The following STEAP1B variants were observed in gnomAD, a reference collection of about 807,000 sequenced individuals.
STEAP1B encodes the protein STEAP family member 1B.
A neutral mutation model predicts 27.9 loss-of-function variants in STEAP1B; 13 were observed. The ratio of observed to expected loss-of-function variants is 0.47; its 90% CI spans 0.30 to 0.74. STEAP1B has a LOEUF of 0.74. STEAP1B is among the 30% of genes least tolerant of loss of function. The pLI is 0.06. For synonymous variants in STEAP1B, 86 were observed against 107.1 expected, an observed-to-expected ratio of 0.80 and a Z score of 1.22; for missense variants, 250 against 298.7, an observed-to-expected ratio of 0.84 and a Z score of 1.20.
intron 4 of STEAP1B, among the ~76,000 whole-genome samples, chr7:22,455,143 G>A (rs1005892906): frequency 1.1e-4 from 17 of 152,184 alleles, no homozygotes; most frequent in East Asian, 7.7e-4. Context: ...GATTACAGGC[G>A]TGAGCCACCG....
At chr7:22,451,867 T>A (rs10260317) in intron 4 of STEAP1B, among the ~76,000 whole-genome samples, 35,973 of 152,210 alleles carry the variant, frequency 0.24, 5,581 homozygotes, top group Non-Finnish European at 0.33. Context: ...AATGTATCTT[T>A]GTCTGGTTTT....
chr7:22,496,873 G>A (rs1024910767), intron 1 of STEAP1B, among the ~76,000 whole-genome samples: 2 of 152,180 alleles, frequency 1.3e-5, no homozygotes, highest in African/African-American at 2.4e-5. Flanking sequence ...TATAACAAAG[G>A]ATAACGAGAT....
chr7:22,454,343 T>C (rs1785536355), intron 4 of STEAP1B, among the ~76,000 whole-genome samples: 1 of 152,146 alleles, frequency 6.6e-6, no homozygotes. Flanking sequence ...TGCATAGCCA[T>C]TGTTCGCCGA....
intron 4 of STEAP1B, among the ~76,000 whole-genome samples, chr7:22,476,377 A>C (rs988528647): frequency 6.6e-6 from 1 of 152,204 alleles, no homozygotes; most frequent in Non-Finnish European, 1.5e-5. Context: ...CAGTGGCAGC[A>C]GGCTGGACAA....
chr7:22,424,902 A>AC (rs1785087449), intron 4 of STEAP1B, among the ~76,000 whole-genome samples: 1 of 151,934 alleles, frequency 6.6e-6, no homozygotes, highest in South Asian at 2.1e-4. Context: ...AGTGAAAAAA[A>AC]AAAAATCACA....
At chr7:22,466,995 C>A (rs1785796723) in intron 4 of STEAP1B, among the ~76,000 whole-genome samples, 3 of 152,186 alleles carry the variant, frequency 2.0e-5, no homozygotes, top group South Asian at 4.1e-4. Flanking sequence ...AAATGGAACA[C>A]CTGGCACATG....
At chr7:22,432,373 T>TAATAAATAAATA (rs147989425) in intron 4 of STEAP1B, among the ~76,000 whole-genome samples, 160 of 137,596 alleles carry the variant, frequency 1.2e-3, no homozygotes, top group African/African-American at 2.3e-3. Flanking sequence ...ACCCTATACC[T>TAATAAATAAATA]AATAAATAAA....
chr7:22,451,452 T>C (rs539884874), intron 4 of STEAP1B, among the ~76,000 whole-genome samples: 5 of 152,226 alleles, frequency 3.3e-5, no homozygotes, highest in Admixed American at 1.3e-4. Flanking sequence ...ATAACAGTGA[T>C]GAAAGTGGGC....
chr7:22,428,770 G>A (rs1785141885), intron 4 of STEAP1B, among the ~76,000 whole-genome samples: 1 of 151,966 alleles, frequency 6.6e-6, no homozygotes, highest in African/African-American at 2.4e-5. Flanking sequence ...CCAGCCTGGT[G>A]ACAGAGCGAG....
chr7:22,490,604 T>C (rs1480721263), intron 4 of STEAP1B, among the ~76,000 whole-genome samples: 1 of 152,260 alleles, frequency 6.6e-6, no homozygotes, highest in Non-Finnish European at 1.5e-5. Flanking sequence ...TGGATGATTT[T>C]GTATATGCAC....
intron 1 of STEAP1B, among the ~76,000 whole-genome samples, chr7:22,499,345 T>C (rs1786495024): frequency 6.6e-6 from 1 of 152,222 alleles, no homozygotes. Flanking sequence ...AGTGCACACT[T>C]GTTTTACATT....
chr7:22,432,635 G>T (rs978583665), intron 4 of STEAP1B, among the ~76,000 whole-genome samples: 1 of 152,114 alleles, frequency 6.6e-6, no homozygotes, highest in Non-Finnish European at 1.5e-5. Flanking sequence ...TGTGATAGCA[G>T]CCTGAACAAA....
At chr7:22,442,421 T>C (rs1363716278) in intron 4 of STEAP1B, among the ~76,000 whole-genome samples, 1 of 152,238 alleles carries the variant, frequency 6.6e-6, no homozygotes, top group East Asian at 1.9e-4. Context: ...AACCGGATAC[T>C]CTCTTTGGCT....
At chr7:22,429,398 A>AT (rs1785150165) in intron 4 of STEAP1B, among the ~76,000 whole-genome samples, 1 of 152,184 alleles carries the variant, frequency 6.6e-6, no homozygotes, top group South Asian at 2.1e-4. Context: ...ATCATGTTGC[A>AT]TTTTTTTCAG....
chr7:22,470,897 C>T (rs1449033766), intron 4 of STEAP1B, among the ~76,000 whole-genome samples: 1 of 151,672 alleles, frequency 6.6e-6, no homozygotes, highest in East Asian at 1.9e-4. Context: ...AAATATAAAA[C>T]CCTCATTTCA....
chr7:22,455,410 A>C (rs1183108885), intron 4 of STEAP1B, among the ~76,000 whole-genome samples: 1 of 152,140 alleles, frequency 6.6e-6, no homozygotes, highest in African/African-American at 2.4e-5. Context: ...AGTTTTTCTA[A>C]TTTTAGACAT....
Position 22,466,850 on chromosome 7 carries a change from G to T in STEAP1B, c.762+25715C>A, listed in dbSNP as rs1474568510. Among the ~76,000 whole-genome samples the T allele has an allele frequency of 2.0e-5, 3 of 152,186 alleles. No homozygotes were observed. The South Asian group carries it at 6.2e-4, about 32-fold the overall frequency. ...TCCAGAGCCAAACTGCCTGGGTTCA[G>T]GTCCAAGCCCTGCACTTGCTGGCCA... On this transcript the variant is annotated intron_variant, in intron 4 of 4. Transcript: ENST00000678116.
At chr7:22,454,856 T>TAAATATAAATATAA (rs1331271456) in intron 4 of STEAP1B, among the ~76,000 whole-genome samples, 1 of 84,700 alleles carries the variant, frequency 1.2e-5, no homozygotes, top group African/African-American at 5.1e-5. Context: ...TATGTATATA[T>TAAATATAAATATAA]ATATATATAT....
At chr7:22,442,002 G>T (rs1200811234) in intron 4 of STEAP1B, among the ~76,000 whole-genome samples, 2 of 152,130 alleles carry the variant, frequency 1.3e-5, no homozygotes, top group Non-Finnish European at 2.9e-5. Flanking sequence ...GATTTGGGTG[G>T]GATTTGGCCA....
Sources: allele counts gnomAD v4.1 joint callset (sites outside exome capture counted in the v4.1 genomes callset), GRCh38; gene constraint gnomAD v4.1.1; transcripts MANE v1.5; gene names NCBI Gene and HGNC (gene_info 2026-07-23, HGNC 2026-07-21).